TJP2: variants seen among roughly 807,000 people sequenced by gnomAD.
TJP2 encodes Friedreich ataxia region gene X104 (tight junction protein ZO-2).
A neutral mutation model predicts 133.1 loss-of-function variants in TJP2; 91 were observed. That is an observed-to-expected ratio of 0.68 (90% CI 0.58 to 0.81). TJP2 has a LOEUF of 0.81. Among genes scored for constraint, TJP2 ranks in the 40% least tolerant of loss-of-function variants. TJP2 has a pLI of 0.00. For synonymous variants in TJP2, 592 were observed against 583.4 expected, an observed-to-expected ratio of 1.01 and a Z score of -0.21; for missense variants, 1,541 against 1,565.6, an observed-to-expected ratio of 0.98 and a Z score of 0.26.
At chr9:69,151,889 A>AT in intron 2 of TJP2, 1 of 1,020,646 alleles carries the variant, frequency 9.8e-7, no homozygotes. Flanking sequence ...GATGTTGCTG[A>AT]TATATACATT....
At chr9:69,121,273 C>A (rs1056153257), upstream of TJP2, 12 of 985,316 alleles carry the variant, frequency 1.2e-5, no homozygotes, top group African/African-American at 1.7e-4. Context: ...CCACCCTCTC[C>A]GCCTTTCCCG....
intron 11 of TJP2, among the ~76,000 whole-genome samples, chr9:69,231,438 C>G (rs1006755370): frequency 6.6e-6 from 1 of 151,310 alleles, no homozygotes; most frequent in Non-Finnish European, 1.5e-5. Context: ...CTTCTGCAAA[C>G]TTGCAGTTCA....
chr9:69,133,546 CTTTTT>C (rs10577570), intron 1 of TJP2, among the ~76,000 whole-genome samples: 1,099 of 104,768 alleles, frequency 0.01, 16 homozygotes, highest in African/African-American at 0.039. Flanking sequence ...ATTTTTCTGG[CTTTTT>C]TTTTTTTTTT....
chr9:69,211,728 C>T (rs1282549858), intron 1 of TJP2, among the ~76,000 whole-genome samples: 1 of 152,118 alleles, frequency 6.6e-6, no homozygotes, highest in African/African-American at 2.4e-5. Context: ...TAGTTATTTC[C>T]ACTCTACCCA....
intron 2 of TJP2, among the ~76,000 whole-genome samples, chr9:69,159,327 A>C (rs1371549258): frequency 6.6e-6 from 1 of 152,168 alleles, no homozygotes; most frequent in Non-Finnish European, 1.5e-5. Flanking sequence ...TCTCCAAAAA[A>C]ATAAAATAGT....
intron 1 of TJP2, among the ~76,000 whole-genome samples, chr9:69,189,219 A>G (rs569267329): frequency 6.6e-6 from 1 of 152,308 alleles, no homozygotes; most frequent in South Asian, 2.1e-4. Context: ...TGGCCTCGGG[A>G]CAGCCTGGAG....
intron 2 of TJP2, among the ~76,000 whole-genome samples, chr9:69,216,035 G>C (rs79422901): frequency 6.6e-6 from 1 of 152,180 alleles, no homozygotes; most frequent in African/African-American, 2.4e-5. Flanking sequence ...CAAACAGTAC[G>C]TCCCTATTTG....
intron 1 of TJP2, among the ~76,000 whole-genome samples, chr9:69,194,782 T>G (rs10869992): frequency 0.38 from 57,755 of 152,078 alleles, 11,240 homozygotes; most frequent in South Asian, 0.44. Flanking sequence ...ATGCATATTT[T>G]TATCAGTAGG....
chr9:69,242,962 C>T (rs570079630), intron 17 of TJP2, among the ~76,000 whole-genome samples: 1 of 152,322 alleles, frequency 6.6e-6, no homozygotes, highest in East Asian at 1.9e-4. Flanking sequence ...TTCCTGGGCT[C>T]AAGGCACCTT....
rs769466597 is a variant in TJP2, at chr9:69,246,814, A to G, written c.2667+24A>G. The G allele has an allele frequency of 1.4e-5, 22 of 1,597,704 alleles. No homozygotes were observed. In the South Asian group the frequency reaches 2.2e-4, roughly 16 times the overall value. On this transcript the variant is annotated intron_variant, in intron 18 of 22. Coordinates refer to ENST00000377245, the MANE Select transcript of TJP2 (RefSeq NM_004817.4). ...AGGTATGTGGCATAGATATGCTGCT[A>G]TGAGGTGAGAGTCCCTGTTCTGAAA... is the stretch of plus-strand genomic sequence containing the variant.
At chr9:69,248,624 A>G (rs1261704109) in intron 19 of TJP2, 1 of 1,109,578 alleles carries the variant, frequency 9.0e-7, no homozygotes, top group Non-Finnish European at 1.1e-6. Flanking sequence ...CCTGCCTTTA[A>G]CCTTTCTAAT....
At chr9:69,227,937 A>G in intron 8 of TJP2, 44 bp from the exon 9 acceptor site, 2 of 1,614,082 alleles carry the variant, frequency 1.2e-6, no homozygotes, top group East Asian at 4.5e-5. Flanking sequence ...TGTATTTATG[A>G]AACTGTTATC....
chr9:69,153,206 C>T (rs1339658891), intron 2 of TJP2, among the ~76,000 whole-genome samples: 1 of 151,928 alleles, frequency 6.6e-6, no homozygotes, highest in Non-Finnish European at 1.5e-5. Context: ...GCACCCCAGC[C>T]TGGGCAACAG....
At position 69,254,396 on chromosome 9, in the gene TJP2, C is replaced by G; in HGVS notation, c.*22C>G. 6.2e-7 allele frequency: 1 copy of G among 1,613,542 alleles called. No individual in the cohort carries two copies. Among genetic ancestry groups the G allele is most frequent in the Non-Finnish European group, 8.5e-7 (1 of 1,180,038 alleles). Reference sequence around the variant, plus strand: ...ATAGATGTCTGAGCACGGACTCTCCCAGGCCTGCCTGCATGGCATCAGACT... The same window carrying G: ...ATAGATGTCTGAGCACGGACTCTCCGAGGCCTGCCTGCATGGCATCAGACT... On this transcript the variant is annotated 3_prime_UTR_variant, in exon 23 of 23. Transcript: ENST00000377245.
intron 1 of TJP2, among the ~76,000 whole-genome samples, chr9:69,187,315 T>C (rs1489214223): frequency 6.6e-6 from 1 of 152,222 alleles, no homozygotes; most frequent in Non-Finnish European, 1.5e-5. Context: ...GATTGGATTA[T>C]ATCACAGCAA....
chr9:69,200,933 G>A (rs896449140), intron 1 of TJP2, among the ~76,000 whole-genome samples: 2 of 152,246 alleles, frequency 1.3e-5, no homozygotes, highest in Non-Finnish European at 2.9e-5. Flanking sequence ...ACTCTTGTCT[G>A]CTTTCTCTGC....
Position 69,227,976 on chromosome 9 carries a change from T to G in TJP2, c.1320-5T>G. Reference sequence around the variant, plus strand: ...TGAGACATTTACGTATGACATGTGATTCAGTTCCAGAGAGGACACGCCGAG... The same window carrying G: ...TGAGACATTTACGTATGACATGTGAGTCAGTTCCAGAGAGGACACGCCGAG... On this transcript the variant is annotated splice_polypyrimidine_tract_variant and splice_region_variant and intron_variant, in intron 8 of 22. Transcript: ENST00000377245. 6.2e-7 allele frequency: 1 copy of G among 1,614,192 alleles called. No individual in the cohort carries two copies. Among genetic ancestry groups the G allele is most frequent in the Non-Finnish European group, 8.5e-7 (1 of 1,180,026 alleles).
At chr9:69,161,214 A>ATGTGTGTGTGTGTGTGTG (rs111442939) in intron 2 of TJP2, among the ~76,000 whole-genome samples, 2 of 148,314 alleles carry the variant, frequency 1.3e-5, no homozygotes, top group African/African-American at 5.0e-5. Flanking sequence ...GTCATCAGTG[A>ATGTGTGTGTGTGTGTGTG]TGTGTGTGTG....
intron 1 of TJP2, among the ~76,000 whole-genome samples, chr9:69,204,259 C>T (rs914743973): frequency 1.3e-5 from 2 of 152,174 alleles, no homozygotes; most frequent in Non-Finnish European, 2.9e-5. Flanking sequence ...GATTTATATA[C>T]ATCTCAGCCT....
Sources: gnomAD v4.1 joint callset for allele counts (sites outside exome capture counted in the v4.1 genomes callset) on GRCh38, gnomAD v4.1.1 for gene constraint, MANE v1.5 for transcripts, NCBI Gene and HGNC (gene_info 2026-07-23, HGNC 2026-07-21) for gene names.